Variants in PDE3A observed in about 807,000 individuals in gnomAD.
The protein encoded by PDE3A is phosphodiesterase 3A, also known as cGMP-inhibited 3',5'-cyclic phosphodiesterase 3A.
Under a neutral mutation model 98.3 loss-of-function variants are expected in PDE3A, and 43 were observed. The observed-to-expected ratio is 0.44, with a 90% CI of 0.34 to 0.56. PDE3A has a LOEUF of 0.56. PDE3A is among the 20% of genes least tolerant of loss of function. The pLI is 0.01. For synonymous variants in PDE3A, 663 were observed against 567.9 expected, an observed-to-expected ratio of 1.17 and a Z score of -2.38; for missense variants, 1,427 against 1,440.7, an observed-to-expected ratio of 0.99 and a Z score of 0.15.
intron 1 of PDE3A, among the ~76,000 whole-genome samples, chr12:20,454,253 A>G (rs573177194): frequency 6.6e-6 from 1 of 152,178 alleles, no homozygotes; most frequent in African/African-American, 2.4e-5. Context: ...ACTTTTTTCC[A>G]GTGTACACAT....
chr12:20,524,533 T>A (rs1031971142), intron 1 of PDE3A, among the ~76,000 whole-genome samples: 1 of 152,158 alleles, frequency 6.6e-6, no homozygotes, highest in Non-Finnish European at 1.5e-5. Flanking sequence ...AAAATTTGTA[T>A]AATAGCTAGT....
intron 3 of PDE3A, among the ~76,000 whole-genome samples, chr12:20,615,135 C>T (rs58232785): frequency 0.015 from 2,178 of 147,832 alleles, 69 homozygotes; most frequent in African/African-American, 0.051. Context: ...TCCTCGTGAC[C>T]TCAAGTGATC....
chr12:20,411,963 G>C (rs1944341970), intron 1 of PDE3A, among the ~76,000 whole-genome samples: 1 of 152,120 alleles, frequency 6.6e-6, no homozygotes, highest in South Asian at 2.1e-4. Flanking sequence ...GTTTATATCT[G>C]TGTCTTCTTC....
chr12:20,672,416 G>C (rs1052351990), intron 15 of PDE3A, among the ~76,000 whole-genome samples: 3 of 15,938 alleles, frequency 1.9e-4, no homozygotes, highest in Non-Finnish European at 3.9e-4. Context: ...AAGAACAAAG[G>C]CTGGAGGCAT....
At chr12:20,518,581 C>T (rs898601619) in intron 1 of PDE3A, among the ~76,000 whole-genome samples, 1 of 151,934 alleles carries the variant, frequency 6.6e-6, no homozygotes, top group African/African-American at 2.4e-5. Flanking sequence ...AAAAAGCCTT[C>T]CTAGTGTTGG....
chr12:20,555,068 C>G (rs1343221179), intron 1 of PDE3A, among the ~76,000 whole-genome samples: 1 of 152,018 alleles, frequency 6.6e-6, no homozygotes, highest in Non-Finnish European at 1.5e-5. Flanking sequence ...GTCTCCCAGG[C>G]TGGAGTGCAG....
chr12:20,657,015 C>G (rs918111181), intron 15 of PDE3A, among the ~76,000 whole-genome samples: 10 of 152,180 alleles, frequency 6.6e-5, no homozygotes, highest in Non-Finnish European at 1.5e-4. Flanking sequence ...TTTGCTCATG[C>G]CTTCCAAAAG....
chr12:20,590,125 C>T (rs190797384), intron 2 of PDE3A, among the ~76,000 whole-genome samples: 4 of 152,074 alleles, frequency 2.6e-5, no homozygotes, highest in Admixed American at 2.0e-4. Flanking sequence ...CAAAGGTACT[C>T]TTACTATCCC....
intron 1 of PDE3A, among the ~76,000 whole-genome samples, chr12:20,501,072 C>A (rs1946016114): frequency 6.6e-6 from 1 of 152,106 alleles, no homozygotes; most frequent in Non-Finnish European, 1.5e-5. Context: ...CTGGCCAAGG[C>A]TTTTATTCTT....
intron 2 of PDE3A, among the ~76,000 whole-genome samples, chr12:20,581,858 C>T (rs1335052629): frequency 6.6e-6 from 1 of 151,842 alleles, no homozygotes; most frequent in Non-Finnish European, 1.5e-5. Flanking sequence ...GTGATCCGCC[C>T]GCCTCGGCCT....
At chr12:20,491,662 C>G (rs1178425252) in intron 1 of PDE3A, among the ~76,000 whole-genome samples, 1 of 152,120 alleles carries the variant, frequency 6.6e-6, no homozygotes, top group Non-Finnish European at 1.5e-5. Context: ...AGGCATCATA[C>G]TGGGTAACAA....
intron 1 of PDE3A, among the ~76,000 whole-genome samples, chr12:20,435,638 T>C (rs953828696): frequency 6.6e-6 from 1 of 152,174 alleles, no homozygotes; most frequent in Non-Finnish European, 1.5e-5. Context: ...AAGGAGGCCA[T>C]GCGTAAGTCG....
intron 1 of PDE3A, among the ~76,000 whole-genome samples, chr12:20,386,028 T>TATATA: frequency 1.1e-5 from 1 of 90,012 alleles, no homozygotes; most frequent in African/African-American, 4.3e-5. Flanking sequence ...AATATATATA[T>TATATA]AAATATATAT....
chr12:20,677,800 T>C, intron 15 of PDE3A, among the ~76,000 whole-genome samples: 1 of 98,696 alleles, frequency 1.0e-5, no homozygotes, highest in South Asian at 3.8e-4. Context: ...ATGCTGCCAG[T>C]TGGGTAAAGT....
chr12:20,510,873 T>C lies in PDE3A; in HGVS notation c.961-45787T>C, dbSNP rs924170675. ...ACATGTTATTTATATGTCTTCTCCT[T>C]CATTCATTTGCTCAAAAAAACACTT... is the stretch of plus-strand genomic sequence containing the variant. On this transcript the variant is annotated intron_variant, in intron 1 of 15. Transcript: ENST00000359062. Among the ~76,000 whole-genome samples the C allele has an allele frequency of 2.0e-5, 3 of 152,086 alleles. No homozygotes were observed. In the East Asian group the frequency reaches 5.8e-4, roughly 29 times the overall value.
chr12:20,375,353 T>C (rs532568672), intron 1 of PDE3A, among the ~76,000 whole-genome samples: 1 of 152,100 alleles, frequency 6.6e-6, no homozygotes, highest in African/African-American at 2.4e-5. Context: ...TTTGTTGTTG[T>C]TTGTTTTTTT....
At chr12:20,659,502 A>G (rs1945112238) in intron 15 of PDE3A, among the ~76,000 whole-genome samples, 1 of 151,966 alleles carries the variant, frequency 6.6e-6, no homozygotes, top group Admixed American at 6.6e-5. Flanking sequence ...AGTAAGTCAT[A>G]TCTACTTCAT....
intron 14 of PDE3A, among the ~76,000 whole-genome samples, chr12:20,652,408 C>G (rs1345889848): frequency 2.6e-5 from 4 of 152,128 alleles, no homozygotes; most frequent in Non-Finnish European, 1.5e-5. Flanking sequence ...GTTCCTATTT[C>G]TCCACATCCT....
intron 10 of PDE3A, among the ~76,000 whole-genome samples, chr12:20,643,517 GT>G (rs1944694086): frequency 6.6e-6 from 1 of 152,096 alleles, no homozygotes; most frequent in African/African-American, 2.4e-5. Context: ...AGGACAGATG[GT>G]TTTCTATTCT....
Sources: gnomAD v4.1 joint callset for allele counts (sites outside exome capture counted in the v4.1 genomes callset) on GRCh38, gnomAD v4.1.1 for gene constraint, MANE v1.5 for transcripts, NCBI Gene and HGNC (gene_info 2026-07-23, HGNC 2026-07-21) for gene names.